TMEM178B: variants seen among roughly 807,000 people sequenced by gnomAD.
TMEM178B encodes transmembrane protein 178B.
In TMEM178B, 5 loss-of-function variants were observed where a neutral mutation model predicts 31.0. The ratio of observed to expected loss-of-function variants is 0.16; its 90% CI spans 0.08 to 0.34. The LOEUF (loss-of-function observed/expected upper bound fraction) is 0.34. Ranked by LOEUF, TMEM178B falls within the 10% of genes least tolerant of loss-of-function variation. The pLI is 1.00. For missense variants in TMEM178B, 275 were observed against 400.3 expected, an observed-to-expected ratio of 0.69 and a Z score of 2.67; for synonymous variants, 164 against 164.0, an observed-to-expected ratio of 1.00 and a Z score of 0.00.
chr7:141,149,529 C>A (rs930857645), intron 1 of TMEM178B, among the ~76,000 whole-genome samples: 6 of 150,368 alleles, frequency 4.0e-5, no homozygotes, highest in African/African-American at 1.5e-4. Flanking sequence ...GCCTGGGTAA[C>A]AACAACAACA....
chr7:141,413,632 G>A (rs1182503888), intron 2 of TMEM178B, among the ~76,000 whole-genome samples: 1 of 152,178 alleles, frequency 6.6e-6, no homozygotes, highest in African/African-American at 2.4e-5. Flanking sequence ...GGTTCACAGA[G>A]GCTGCTGATG....
chr7:141,155,004 A>G (rs575732334), intron 1 of TMEM178B, among the ~76,000 whole-genome samples: 2 of 152,262 alleles, frequency 1.3e-5, no homozygotes, highest in Non-Finnish European at 2.9e-5. Context: ...TGCTAGGATT[A>G]CAGGTGTGAG....
chr7:141,311,057 CA>C (rs1344838110), intron 2 of TMEM178B, among the ~76,000 whole-genome samples: 1 of 152,198 alleles, frequency 6.6e-6, no homozygotes, highest in Admixed American at 6.5e-5. Context: ...AACAGAAAAA[CA>C]AACACTGCAT....
At position 141,109,232 on chromosome 7, in the gene TMEM178B, G is replaced by A. The variant is rs147565964; in HGVS notation, c.382+34540G>A. ...AGGCATGGGAATGGAGTGATATAGC[G>A]CCTGGTGATGGATTCTAGGCTGAGA... On this transcript the variant is annotated intron_variant, in intron 1 of 3. Transcript: ENST00000565468. 3.5e-3 allele frequency among the ~76,000 whole-genome samples: 538 copies of A among 152,228 alleles called. 4 individuals carry two copies. Among genetic ancestry groups the A allele is most frequent in the Non-Finnish European group, 5.4e-3 (369 of 68,012 alleles).
At chr7:141,098,051 C>T (rs533471178) in intron 1 of TMEM178B, among the ~76,000 whole-genome samples, 1 of 152,206 alleles carries the variant, frequency 6.6e-6, no homozygotes, top group Non-Finnish European at 1.5e-5. Flanking sequence ...CTCCGCCTCC[C>T]AAAGTGCTAA....
At position 141,367,738 on chromosome 7, in the gene TMEM178B, G is replaced by A. The variant is rs533158699; in HGVS notation, c.497-69870G>A. ...TGCTGAACACTGTGGAGTATAACCC[G>A]ACCTCCTCTCTTGGGAAGCAGAGGG... On this transcript the variant is annotated intron_variant, in intron 2 of 3. Transcript: ENST00000565468. 5.9e-5 allele frequency among the ~76,000 whole-genome samples: 9 copies of A among 152,234 alleles called. 1 individual carries two copies. Among genetic ancestry groups the A allele is most frequent in the East Asian group, 5.8e-4 (3 of 5,174 alleles).
At chr7:141,081,049 CCTT>C (rs903722009) in intron 1 of TMEM178B, among the ~76,000 whole-genome samples, 14 of 152,140 alleles carry the variant, frequency 9.2e-5, no homozygotes, top group Admixed American at 2.0e-4. Context: ...AGAGTGTACT[CCTT>C]CTGCTTATAA....
At chr7:141,095,598 G>A (rs927189154) in intron 1 of TMEM178B, among the ~76,000 whole-genome samples, 20 of 152,082 alleles carry the variant, frequency 1.3e-4, no homozygotes, top group Admixed American at 7.9e-4. Flanking sequence ...ATCTTTGGTC[G>A]CCCATTTGCT....
At chr7:141,262,274 A>T (rs1424113375) in intron 2 of TMEM178B, among the ~76,000 whole-genome samples, 3 of 152,020 alleles carry the variant, frequency 2.0e-5, no homozygotes, top group African/African-American at 7.3e-5. Context: ...TCTATAGAAA[A>T]TCAGGGTTTG....
rs1211718539 is a variant in TMEM178B at position 141,193,365 on chromosome 7, G to T, written c.383-19226G>T. Among the ~76,000 whole-genome samples, 4 of 152,240 alleles carry T rather than the reference G, an allele frequency of 2.6e-5. No individual in the cohort carries two copies. In the South Asian group the frequency reaches 6.2e-4, roughly 24 times the overall value. On this transcript the variant is annotated intron_variant, in intron 1 of 3. Transcript: ENST00000565468. ...TGGCTTCTGATTTCAGAGAGGCCCT[G>T]AATGCAAAACCTAAGGGACCCCTGG...
chr7:141,186,718 A>G (rs1357176246), intron 1 of TMEM178B, among the ~76,000 whole-genome samples: 1 of 152,146 alleles, frequency 6.6e-6, no homozygotes, highest in Non-Finnish European at 1.5e-5. Flanking sequence ...AGGGGATGGA[A>G]CTGTGAAAAC....
intron 1 of TMEM178B, among the ~76,000 whole-genome samples, chr7:141,146,881 A>G (rs1795861355): frequency 6.6e-6 from 1 of 152,070 alleles, no homozygotes; most frequent in Non-Finnish European, 1.5e-5. Context: ...GCGCATGAGG[A>G]TTTTAAGGTT....
chr7:141,209,048 GT>G (rs960322630), intron 1 of TMEM178B, among the ~76,000 whole-genome samples: 2 of 152,178 alleles, frequency 1.3e-5, no homozygotes, highest in African/African-American at 4.8e-5. Flanking sequence ...CTCCAGCAGG[GT>G]GCAAGCCTTG....
intron 2 of TMEM178B, among the ~76,000 whole-genome samples, chr7:141,291,672 A>T (rs1045921832): frequency 4.0e-5 from 6 of 151,876 alleles, no homozygotes; most frequent in African/African-American, 1.5e-4. Flanking sequence ...CCCTGTGCCG[A>T]TTGTAGGGTT....
rs1489363032 is a variant in TMEM178B at position 141,209,605 on chromosome 7, T to A, written c.383-2986T>A. ...AATGAATAAGACAACATCCCTGCCC[T>A]TGAGAAACTCATAATCTAGTTGGGG... On this transcript the variant is annotated intron_variant, in intron 1 of 3. Transcript: ENST00000565468. Among the ~76,000 whole-genome samples, 4 of 152,160 alleles carry A rather than the reference T, an allele frequency of 2.6e-5. No individual in the cohort carries two copies. The East Asian group carries it at 7.7e-4, about 29-fold the overall frequency.
At chr7:141,280,362 G>A (rs543856406) in intron 2 of TMEM178B, among the ~76,000 whole-genome samples, 6 of 152,138 alleles carry the variant, frequency 3.9e-5, no homozygotes, top group Non-Finnish European at 5.9e-5. Flanking sequence ...CCTACGTGTT[G>A]TGGGATGGAC....
chr7:141,238,871 A>T (rs1035695000), intron 2 of TMEM178B, among the ~76,000 whole-genome samples: 2 of 152,234 alleles, frequency 1.3e-5, no homozygotes, highest in African/African-American at 2.4e-5. Flanking sequence ...CCCTTGGGAT[A>T]GCTGCAGCCT....
intron 1 of TMEM178B, among the ~76,000 whole-genome samples, chr7:141,096,853 G>A (rs1295690568): frequency 1.3e-5 from 2 of 152,080 alleles, no homozygotes; most frequent in Admixed American, 1.3e-4. Flanking sequence ...CAGCACTTGG[G>A]GAAGCAGAAG....
chr7:141,234,896 C>T (rs914533499), intron 2 of TMEM178B, among the ~76,000 whole-genome samples: 1 of 152,144 alleles, frequency 6.6e-6, no homozygotes, highest in African/African-American at 2.4e-5. Flanking sequence ...GGCTTTGGAA[C>T]GCACGACATG....
Sources: gnomAD v4.1 joint callset for allele counts (sites outside exome capture counted in the v4.1 genomes callset) on GRCh38, gnomAD v4.1.1 for gene constraint, MANE v1.5 for transcripts, NCBI Gene and HGNC (gene_info 2026-07-23, HGNC 2026-07-21) for gene names.